ITGA8: variants seen among roughly 807,000 people sequenced by gnomAD.
The protein encoded by ITGA8 is integrin alpha-8.
A neutral mutation model predicts 142.3 loss-of-function variants in ITGA8; 91 were observed. That is an observed-to-expected ratio of 0.64 (90% CI 0.54 to 0.76). The LOEUF is 0.76. Among genes scored for constraint, ITGA8 ranks in the 30% least tolerant of loss-of-function variants. ITGA8 has a pLI of 0.00. For missense variants in ITGA8, 1,406 were observed against 1,327.7 expected (o/e 1.06, Z -0.92); for synonymous variants, 505 against 485.2 (o/e 1.04, Z -0.54).
At chr10:15,619,495 C>G (rs939136468) in intron 13 of ITGA8, among the ~76,000 whole-genome samples, 1 of 152,128 alleles carries the variant, frequency 6.6e-6, no homozygotes, top group African/African-American at 2.4e-5. Context: ...CATTAAAGAA[C>G]ACATTAAGCA....
intron 23 of ITGA8, among the ~76,000 whole-genome samples, chr10:15,578,348 C>G (rs955836719): frequency 6.6e-6 from 1 of 152,024 alleles, no homozygotes; most frequent in Non-Finnish European, 1.5e-5. Flanking sequence ...TTGTTCATTC[C>G]TGTTTATTGT....
At chr10:15,639,100 A>G (rs1833822996) in intron 13 of ITGA8, among the ~76,000 whole-genome samples, 1 of 151,954 alleles carries the variant, frequency 6.6e-6, no homozygotes, top group Admixed American at 6.6e-5. Context: ...ACTGCACTCC[A>G]GCCTGGGTGA....
Position 15,608,229 on chromosome 10 carries a change from G to T in ITGA8, c.1609+6C>A. On this transcript the variant is annotated splice_donor_region_variant and intron_variant, in intron 16 of 29. Transcript: ENST00000378076. ...CATAAGAATGTAAAAATGAAAACAT[G>T]CTTACCTATTGTGTTTGCAATGCTC... 1.3e-6 allele frequency: 2 copies of T among 1,586,250 alleles called. No individual in the cohort carries two copies. Among genetic ancestry groups the T allele is most frequent in the Non-Finnish European group, 1.7e-6 (2 of 1,160,916 alleles).
At chr10:15,552,834 T>C (rs1811561904) in intron 26 of ITGA8, among the ~76,000 whole-genome samples, 1 of 152,216 alleles carries the variant, frequency 6.6e-6, no homozygotes, top group South Asian at 2.1e-4. Context: ...TATCAATTGT[T>C]TTCTGTTCTA....
At chr10:15,670,916 T>C (rs1444527993) in intron 8 of ITGA8, among the ~76,000 whole-genome samples, 4 of 152,210 alleles carry the variant, frequency 2.6e-5, no homozygotes, top group Non-Finnish European at 5.9e-5. Context: ...CCTTAGAATA[T>C]AGAAGTTGGC....
At chr10:15,533,590 TGAA>T (rs1436779729) in intron 27 of ITGA8, among the ~76,000 whole-genome samples, 3 of 152,200 alleles carry the variant, frequency 2.0e-5, no homozygotes, top group Admixed American at 6.5e-5. Context: ...AAACCTCCAA[TGAA>T]GAAGTTTTCT....
chr10:15,598,854 A>T (rs189934819), intron 20 of ITGA8, among the ~76,000 whole-genome samples: 2 of 152,312 alleles, frequency 1.3e-5, no homozygotes, highest in East Asian at 3.9e-4. Context: ...ACGTCGGATG[A>T]GCTAAAAAAC....
chr10:15,691,384 C>G (rs1321995648), intron 2 of ITGA8, among the ~76,000 whole-genome samples: 4 of 152,220 alleles, frequency 2.6e-5, no homozygotes, highest in African/African-American at 9.7e-5. Flanking sequence ...GAAAATATAT[C>G]TGCACCCCCA....
At chr10:15,551,225 C>T (rs1474368125) in intron 26 of ITGA8, among the ~76,000 whole-genome samples, 1 of 147,408 alleles carries the variant, frequency 6.8e-6, no homozygotes, top group Non-Finnish European at 1.5e-5. Flanking sequence ...TTAGGAATTA[C>T]TGGAAATATG....
chr10:15,604,445 A>G, intron 19 of ITGA8, 90 bp from the exon 20 acceptor site: 1 of 1,087,374 alleles, frequency 9.2e-7, no homozygotes, highest in African/African-American at 1.6e-5. Flanking sequence ...GAGGAAAAGA[A>G]AAATGGCAAG....
intron 2 of ITGA8, among the ~76,000 whole-genome samples, chr10:15,698,073 T>C (rs1470280402): frequency 6.6e-6 from 1 of 152,120 alleles, no homozygotes; most frequent in African/African-American, 2.4e-5. Context: ...CCACCCTTTC[T>C]CCCAGGTCCC....
rs182002043 is a variant in ITGA8 at position 15,652,048 on chromosome 10, A to T, written c.1001+3306T>A. Among the ~76,000 whole-genome samples the T allele has an allele frequency of 1.3e-4, 20 of 152,386 alleles. No homozygotes were observed. The East Asian group carries it at 3.7e-3, about 28-fold the overall frequency. On this transcript the variant is annotated intron_variant, in intron 11 of 29. Transcript: ENST00000378076. ...TCAGAAAATACTACGTAATAAAAAA[A>T]TAGTATGCATAGCAATTTTTAAGAA... is the stretch of plus-strand genomic sequence containing the variant.
chr10:15,546,189 T>C (rs112831644), intron 27 of ITGA8, among the ~76,000 whole-genome samples: 8,387 of 152,140 alleles, frequency 0.055, 741 homozygotes, highest in African/African-American at 0.19. Flanking sequence ...CCCACTGCCC[T>C]GATCTCCCTA....
At chr10:15,660,836 A>G (rs766351739) in intron 9 of ITGA8, 43 bp downstream of exon 9, 11 of 1,490,690 alleles carry the variant, frequency 7.4e-6, no homozygotes, top group Admixed American at 1.7e-5. Context: ...GAGCACCTAT[A>G]CAAGAAAATA....
At chr10:15,667,461 A>G (rs888244161) in intron 8 of ITGA8, among the ~76,000 whole-genome samples, 1 of 151,990 alleles carries the variant, frequency 6.6e-6, no homozygotes, top group Non-Finnish European at 1.5e-5. Flanking sequence ...GATCTTTTCA[A>G]AAAACCAGCT....
rs35130036 is a variant in ITGA8, at chr10:15,532,418, C to CAAAAAAAAAAAAAAAA, written c.2881-1283_2881-1268dup. Among the ~76,000 whole-genome samples, 19 of 27,838 alleles carry CAAAAAAAAAAAAAAAA rather than the reference C, an allele frequency of 6.8e-4. 3 individuals carry two copies. Among genetic ancestry groups the CAAAAAAAAAAAAAAAA allele is most frequent in the African/African-American group, 4.0e-3 (19 of 4,758 alleles). 18.3% of individuals were successfully genotyped at this position (27,838 alleles called of 152,430 possible). On this transcript the variant is annotated intron_variant, in intron 27 of 29. Coordinates refer to ENST00000378076, the MANE Select transcript of ITGA8 (RefSeq NM_003638.3). Reference sequence around the variant, plus strand: ...TGCGCAACCGAGTGAGACTCCCTCTCAAAAAAAAAAAAAAAAAAAAAAAAA... The same window carrying CAAAAAAAAAAAAAAAA: ...TGCGCAACCGAGTGAGACTCCCTCTCAAAAAAAAAAAAAAAAAAAAAAAAAAAAAAAAAAAAAAAAA...
chr10:15,671,179 T>C (rs1834509314), intron 8 of ITGA8, among the ~76,000 whole-genome samples: 2 of 152,294 alleles, frequency 1.3e-5, no homozygotes, highest in East Asian at 1.9e-4. Context: ...GGTTTTGGTA[T>C]GTTAAAAGAG....
At chr10:15,603,497 G>A (rs1435231790) in intron 20 of ITGA8, among the ~76,000 whole-genome samples, 1 of 152,148 alleles carries the variant, frequency 6.6e-6, no homozygotes, top group Non-Finnish European at 1.5e-5. Flanking sequence ...AGACACTGAG[G>A]GACTTTCTCT....
chr10:15,673,041 C>T (rs1217039921), intron 6 of ITGA8, among the ~76,000 whole-genome samples: 3 of 152,110 alleles, frequency 2.0e-5, no homozygotes, highest in Non-Finnish European at 4.4e-5. Flanking sequence ...GCCAAATTTG[C>T]AAGTAAAATT....
Sources: gnomAD v4.1 joint callset for allele counts (sites outside exome capture counted in the v4.1 genomes callset) on GRCh38, gnomAD v4.1.1 for gene constraint, MANE v1.5 for transcripts, NCBI Gene and HGNC (gene_info 2026-07-23, HGNC 2026-07-21) for gene names.